The following VIT variants were observed in gnomAD, a reference collection of about 807,000 sequenced individuals.
VIT encodes the protein vitrin.
VIT carries 99 observed loss-of-function variants against 78.0 expected under a neutral mutation model. The ratio of observed to expected loss-of-function variants is 1.27; its 90% CI spans 1.08 to 1.50. The LOEUF (loss-of-function observed/expected upper bound fraction) is 1.50. Among genes scored for constraint, VIT ranks in the 40% most tolerant of loss-of-function variants. The pLI is 0.00. For missense variants in VIT, 1,126 were observed against 875.3 expected (o/e 1.29, Z -3.61); for synonymous variants, 374 against 334.3 (o/e 1.12, Z -1.29).
chr2:36,711,327 G>T (rs554117516), intron 1 of VIT, among the ~76,000 whole-genome samples: 2 of 152,176 alleles, frequency 1.3e-5, no homozygotes, highest in East Asian at 1.9e-4. Flanking sequence ...TGAGTAATTT[G>T]CCCCTTATCT....
intron 12 of VIT, among the ~76,000 whole-genome samples, chr2:36,791,893 C>T (rs1361764405): frequency 6.6e-6 from 1 of 152,140 alleles, no homozygotes; most frequent in Non-Finnish European, 1.5e-5. Flanking sequence ...GCTAATACAA[C>T]TGGCAACGAG....
intron 7 of VIT, 139 bp downstream of exon 7, chr2:36,767,424 G>A (rs1183541044): frequency 8.5e-6 from 7 of 821,022 alleles, no homozygotes; most frequent in Non-Finnish European, 1.2e-5. Flanking sequence ...TGTTATTTGT[G>A]TCCTCCTCCT....
At chr2:36,723,444 C>T (rs1007458460) in intron 2 of VIT, among the ~76,000 whole-genome samples, 1 of 152,152 alleles carries the variant, frequency 6.6e-6, no homozygotes, top group Middle Eastern at 3.2e-3. Context: ...CAGGGAAGCC[C>T]TAATCTCAAA....
At chr2:36,774,976 C>T (rs199807048) in intron 8 of VIT, 26 bp from the exon 9 acceptor site, 112 of 1,611,110 alleles carry the variant, frequency 7.0e-5, no homozygotes, top group Middle Eastern at 3.3e-4. Context: ...GTGTGTAAAT[C>T]GGCTGACCCT....
intron 12 of VIT, among the ~76,000 whole-genome samples, chr2:36,796,125 A>G (rs1474407087): frequency 6.6e-6 from 1 of 151,912 alleles, no homozygotes; most frequent in East Asian, 1.9e-4. Context: ...AAAAAAAAAA[A>G]AAACATAGTG....
chr2:36,784,974 A>G (rs1327107719), intron 11 of VIT, among the ~76,000 whole-genome samples: 1 of 152,254 alleles, frequency 6.6e-6, no homozygotes, highest in East Asian at 1.9e-4. Context: ...GAAACAGCTC[A>G]CCTTCTTAAG....
In VIT at chr2:36,705,556, A is replaced by G. The variant is rs747736919; in HGVS notation, c.-19+8583A>G. Among the ~76,000 whole-genome samples, 135 of 152,210 alleles carry G rather than the reference A, an allele frequency of 8.9e-4. 4 individuals carry two copies. The highest frequency in any genetic ancestry group is 4.1e-4 in the South Asian group (2 of 4,834). ...ATGTAGAAACATGCCACATGGATCA[A>G]CGAACCTAATGGCACGGGCATACAT... On this transcript the variant is annotated intron_variant, in intron 1 of 15. Coordinates refer to ENST00000379242, the MANE Select transcript of VIT (RefSeq NM_053276.4).
At chr2:36,762,872 G>A (rs1056124878) in intron 6 of VIT, among the ~76,000 whole-genome samples, 2 of 152,090 alleles carry the variant, frequency 1.3e-5, no homozygotes, top group East Asian at 1.9e-4. Flanking sequence ...GAGAACAGGC[G>A]TTCCCTGAGG....
At chr2:36,700,762 AAC>A in intron 1 of VIT, among the ~76,000 whole-genome samples, 1 of 145,362 alleles carries the variant, frequency 6.9e-6, no homozygotes, top group Non-Finnish European at 1.5e-5. Flanking sequence ...TAATAATAAT[AAC>A]TGCTAACACT....
chr2:36,785,659 G>A (rs1272649987), intron 11 of VIT, among the ~76,000 whole-genome samples: 1 of 152,170 alleles, frequency 6.6e-6, no homozygotes, highest in Non-Finnish European at 1.5e-5. Context: ...GCAGACAGGA[G>A]GTAAAAGCTT....
chr2:36,782,462 G>A (rs1264438818), intron 10 of VIT, among the ~76,000 whole-genome samples: 2 of 152,198 alleles, frequency 1.3e-5, no homozygotes, highest in Admixed American at 6.5e-5. Context: ...TAACAAGCCA[G>A]TAGAAAGCTC....
intron 6 of VIT, among the ~76,000 whole-genome samples, chr2:36,762,122 C>T (rs1041164369): frequency 6.6e-6 from 1 of 152,206 alleles, no homozygotes; most frequent in Non-Finnish European, 1.5e-5. Flanking sequence ...GCAGCAGAGA[C>T]AATTTCTAAA....
intron 1 of VIT, among the ~76,000 whole-genome samples, chr2:36,703,660 C>T (rs900942097): frequency 1.3e-5 from 2 of 152,130 alleles, no homozygotes; most frequent in African/African-American, 2.4e-5. Context: ...ATCACTTAAC[C>T]TTGTAACTAA....
At chr2:36,806,854 C>T (rs777708831) in intron 14 of VIT, among the ~76,000 whole-genome samples, 5 of 152,330 alleles carry the variant, frequency 3.3e-5, no homozygotes, top group African/African-American at 4.8e-5. Context: ...TGGGCCACTG[C>T]GCCCGGCCCT....
intron 4 of VIT, among the ~76,000 whole-genome samples, chr2:36,752,310 G>T (rs879219319): frequency 6.6e-6 from 1 of 152,122 alleles, no homozygotes; most frequent in Non-Finnish European, 1.5e-5. Flanking sequence ...CACTCTTCAC[G>T]CTGATCTCTG....
In VIT at chr2:36,808,491, G is replaced by A. The variant is rs757481724; in HGVS notation, c.1409G>A (p.Gly470Asp). ...FANKAVCRTNGFYSLHVQSWF... is the reference protein window; with the variant it reads ...FANKAVCRTNDFYSLHVQSWF... ...TTCTAGGCCGTGTGCAGAACAAACG[G>A]CTTCTACTCGCTCCACGTGCAGAGC... The change falls in exon 15 of 16, where the codon GGC (glycine) becomes GAC (aspartate). Residue 470 changes from glycine to aspartate, a missense_variant. Coordinates refer to ENST00000379242, the MANE Select transcript of VIT (RefSeq NM_053276.4). 1.2e-6 allele frequency: 2 copies of A among 1,609,796 alleles called. No homozygotes were observed. The highest frequency in any genetic ancestry group is 1.1e-5 in the South Asian group (1 of 91,006).
chr2:36,757,028 C>G (rs1337905576), intron 5 of VIT, among the ~76,000 whole-genome samples: 2 of 152,190 alleles, frequency 1.3e-5, no homozygotes, highest in Non-Finnish European at 2.9e-5. Context: ...ATACTTTTTG[C>G]CAATGATAAT....
intron 5 of VIT, among the ~76,000 whole-genome samples, chr2:36,757,959 G>A (rs909871029): frequency 1.3e-5 from 2 of 152,020 alleles, no homozygotes; most frequent in South Asian, 2.1e-4. Context: ...ATGACCCTAC[G>A]ATTCCTGTGC....
chr2:36,789,334 C>G (rs1037245658), intron 12 of VIT, among the ~76,000 whole-genome samples: 2 of 152,214 alleles, frequency 1.3e-5, no homozygotes, highest in African/African-American at 4.8e-5. Flanking sequence ...CCCTGGCGTC[C>G]TGTAATTCAG....
Sources: allele counts gnomAD v4.1 joint callset (sites outside exome capture counted in the v4.1 genomes callset), GRCh38; gene constraint gnomAD v4.1.1; transcripts MANE v1.5; gene names NCBI Gene and HGNC (gene_info 2026-07-23, HGNC 2026-07-21).